Variants in TAS2R1 observed in about 807,000 individuals in gnomAD.
TAS2R1 encodes taste receptor type 2 member 1.
For synonymous variants in TAS2R1, 141 were observed against 134.2 expected (o/e 1.05, Z -0.35); for missense variants, 370 against 353.4 (o/e 1.05, Z -0.38).
the TAS2R1 span, among the ~76,000 whole-genome samples, chr5:9,763,950 G>A: frequency 4.0e-4 from 61 of 152,270 alleles, no homozygotes; most frequent in African/African-American, 1.4e-3. Flanking sequence ...GGAAAATAAT[G>A]CAAGAATCTA....
the TAS2R1 span, among the ~76,000 whole-genome samples, chr5:9,767,085 G>A: frequency 6.6e-6 from 1 of 152,086 alleles, no homozygotes; most frequent in African/African-American, 2.4e-5. Flanking sequence ...GCATCTGACT[G>A]CCTACCCAAT....
At chr5:9,723,762 C>A in the TAS2R1 span, among the ~76,000 whole-genome samples, 6 of 152,222 alleles carry the variant, frequency 3.9e-5, no homozygotes, top group Admixed American at 1.3e-4. Context: ...GGTGAATGCA[C>A]CTGGCTGGCA....
the TAS2R1 span, among the ~76,000 whole-genome samples, chr5:9,844,591 T>C: frequency 3.3e-5 from 5 of 152,184 alleles, no homozygotes; most frequent in Non-Finnish European, 4.4e-5. Context: ...ATTCACTTAT[T>C]TACGTGATTA....
the TAS2R1 span, among the ~76,000 whole-genome samples, chr5:9,885,717 G>A: frequency 6.6e-6 from 1 of 152,140 alleles, no homozygotes; most frequent in African/African-American, 2.4e-5. Context: ...AATGTGGGAG[G>A]TGAACAACGG....
At chr5:9,647,591 C>A (rs1385777534) in intron 2 of TAS2R1, among the ~76,000 whole-genome samples, 2 of 152,048 alleles carry the variant, frequency 1.3e-5, no homozygotes, top group African/African-American at 4.8e-5. Context: ...GTGAATAGAG[C>A]AAAATTGGTC....
chr5:9,801,642 C>T, the TAS2R1 span, among the ~76,000 whole-genome samples: 1 of 152,140 alleles, frequency 6.6e-6, no homozygotes, highest in African/African-American at 2.4e-5. Flanking sequence ...AGTTCTCAGT[C>T]CTGGTCACTG....
chr5:9,861,036 G>GGTTTTTTTTTT, the TAS2R1 span, among the ~76,000 whole-genome samples: 3 of 29,708 alleles, frequency 1.0e-4, no homozygotes, highest in East Asian at 2.4e-3. Flanking sequence ...GGGAAGATGA[G>GGTTTTTTTTTT]GTTTTTTTTT....
chr5:9,734,173 G>A, the TAS2R1 span, among the ~76,000 whole-genome samples: 2 of 152,172 alleles, frequency 1.3e-5, no homozygotes, highest in Admixed American at 1.3e-4. Context: ...ATCTGCAGGA[G>A]ATGCAAGAAG....
At chr5:9,663,972 C>T (rs1286823606) in intron 1 of TAS2R1, among the ~76,000 whole-genome samples, 1 of 152,182 alleles carries the variant, frequency 6.6e-6, no homozygotes, top group African/African-American at 2.4e-5. Context: ...AAAAGATTTC[C>T]CTCAGAGCCT....
At chr5:9,708,205 A>G (rs554516765) in intron 1 of TAS2R1, among the ~76,000 whole-genome samples, 39 of 152,350 alleles carry the variant, frequency 2.6e-4, no homozygotes, top group African/African-American at 8.9e-4. Flanking sequence ...TGAGGTTTTC[A>G]GGCTACTCAG....
At chr5:9,682,096 T>C (rs1228688798) in intron 1 of TAS2R1, among the ~76,000 whole-genome samples, 1 of 152,200 alleles carries the variant, frequency 6.6e-6, no homozygotes, top group African/African-American at 2.4e-5. Context: ...AATGAATTAA[T>C]GACTAGCTGA....
At chr5:9,708,298 A>T (rs1741663691) in intron 1 of TAS2R1, among the ~76,000 whole-genome samples, 1 of 152,198 alleles carries the variant, frequency 6.6e-6, no homozygotes, top group Non-Finnish European at 1.5e-5. Flanking sequence ...CTCAAGTAAG[A>T]ATCCTTGAGG....
At chr5:9,819,536 T>C in the TAS2R1 span, among the ~76,000 whole-genome samples, 5 of 152,184 alleles carry the variant, frequency 3.3e-5, no homozygotes, top group South Asian at 2.1e-4. Context: ...TGTGATCCAA[T>C]AGGTTTAGAG....
chr5:9,646,592 C>G (rs1001555109), intron 2 of TAS2R1, among the ~76,000 whole-genome samples: 2 of 152,158 alleles, frequency 1.3e-5, no homozygotes, highest in Non-Finnish European at 2.9e-5. Flanking sequence ...TACAATACTT[C>G]CTTACAAATT....
chr5:9,738,900 C>T, the TAS2R1 span, among the ~76,000 whole-genome samples: 3 of 152,124 alleles, frequency 2.0e-5, no homozygotes, highest in Non-Finnish European at 4.4e-5. Flanking sequence ...TTTTTTCTCA[C>T]ACTATAAAGC....
the TAS2R1 span, among the ~76,000 whole-genome samples, chr5:9,842,465 T>C: frequency 6.6e-6 from 1 of 151,856 alleles, no homozygotes; most frequent in Non-Finnish European, 1.5e-5. Context: ...GAACTACAAG[T>C]GCCCACCACC....
the TAS2R1 span, among the ~76,000 whole-genome samples, chr5:9,723,261 C>T: frequency 6.6e-6 from 1 of 152,128 alleles, no homozygotes; most frequent in African/African-American, 2.4e-5. Context: ...AAAATGCAGC[C>T]AAGGTCTATA....
At chr5:9,801,885 T>C in the TAS2R1 span, among the ~76,000 whole-genome samples, 1 of 152,142 alleles carries the variant, frequency 6.6e-6, no homozygotes, top group Non-Finnish European at 1.5e-5. Context: ...AAGCCCTGCC[T>C]GGGGAGAGTC....
the TAS2R1 span, among the ~76,000 whole-genome samples, chr5:9,827,312 T>A: frequency 0.018 from 2,799 of 152,226 alleles, 34 homozygotes; most frequent in Admixed American, 0.031. Flanking sequence ...TCGCTGTACA[T>A]CCATTTGTCC....
Sources: allele counts gnomAD v4.1 joint callset (sites outside exome capture counted in the v4.1 genomes callset), GRCh38; gene constraint gnomAD v4.1.1; transcripts MANE v1.5; gene names NCBI Gene and HGNC (gene_info 2026-07-23, HGNC 2026-07-21).